Variants in DPYD observed in about 807,000 individuals in gnomAD.
DPYD encodes the protein dihydropyrimidine dehydrogenase, also known as dihydropyrimidine dehydrogenase [NADP(+)].
Under a neutral mutation model 116.2 loss-of-function variants are expected in DPYD, and 109 were observed. The observed-to-expected ratio is 0.94, with a 90% confidence interval of 0.80 to 1.10. DPYD has a LOEUF of 1.10. Ranked by LOEUF, DPYD falls within the 50% of genes least tolerant of loss-of-function variation. The probability of loss-of-function intolerance (pLI) is 0.00; values close to 1 mark genes in which losing one functional copy is unlikely to be tolerated. For synonymous variants in DPYD, 440 were observed against 432.0 expected, an observed-to-expected ratio of 1.02 and a Z score of -0.23; for missense variants, 1,302 against 1,254.5, an observed-to-expected ratio of 1.04 and a Z score of -0.57.
At chr1:97,500,952 A>G (rs1679541066) in intron 13 of DPYD, among the ~76,000 whole-genome samples, 1 of 152,018 alleles carries the variant, frequency 6.6e-6, no homozygotes, top group South Asian at 2.1e-4. Context: ...CTAATTAACC[A>G]TCAGCTTAAT....
chr1:97,554,196 C>T (rs192605546), intron 11 of DPYD, among the ~76,000 whole-genome samples: 72 of 152,110 alleles, frequency 4.7e-4, no homozygotes, highest in Admixed American at 1.4e-3. Flanking sequence ...ATGCAGATTG[C>T]CAAGGTCAAT....
intron 13 of DPYD, among the ~76,000 whole-genome samples, chr1:97,454,612 A>G (rs76262284): frequency 0.019 from 2,893 of 152,048 alleles, 39 homozygotes; most frequent in Middle Eastern, 0.034. Context: ...ATGTAATATT[A>G]TAACTACCAT....
chr1:97,172,361 G>C (rs1483471207), intron 20 of DPYD, among the ~76,000 whole-genome samples: 1 of 152,140 alleles, frequency 6.6e-6, no homozygotes, highest in African/African-American at 2.4e-5. Context: ...ATGCTAAGAG[G>C]AGGGAAAGAC....
At chr1:97,474,013 C>CT (rs1159652978) in intron 13 of DPYD, among the ~76,000 whole-genome samples, 3 of 77,200 alleles carry the variant, frequency 3.9e-5, no homozygotes, top group South Asian at 4.9e-4. Flanking sequence ...GAGAAACTGT[C>CT]TTTAAAAAAA....
chr1:97,081,792 T>C (rs955407439), intron 22 of DPYD, among the ~76,000 whole-genome samples: 1 of 151,390 alleles, frequency 6.6e-6, no homozygotes, highest in African/African-American at 2.4e-5. Context: ...TATGGCTCAC[T>C]TCATGAGGGA....
intron 3 of DPYD, among the ~76,000 whole-genome samples, chr1:97,744,235 G>A (rs971221106): frequency 2.0e-5 from 3 of 151,960 alleles, no homozygotes; most frequent in East Asian, 1.9e-4. Flanking sequence ...AAATATCCGT[G>A]AGGCTAGACA....
chr1:97,274,957 C>CT (rs1267168438), intron 18 of DPYD, among the ~76,000 whole-genome samples: 1 of 152,114 alleles, frequency 6.6e-6, no homozygotes, highest in African/African-American at 2.4e-5. Context: ...GGGGTAAGGG[C>CT]TTCTAAAGTA....
intron 1 of DPYD, among the ~76,000 whole-genome samples, chr1:97,909,893 T>C (rs933002096): frequency 6.6e-6 from 1 of 152,116 alleles, no homozygotes; most frequent in Non-Finnish European, 1.5e-5. Flanking sequence ...TGCTATCTAA[T>C]AGTGATTTCA....
intron 16 of DPYD, among the ~76,000 whole-genome samples, chr1:97,339,094 C>T (rs536559865): frequency 6.6e-6 from 1 of 151,812 alleles, no homozygotes; most frequent in South Asian, 2.1e-4. Context: ...GTAGCTACTG[C>T]TGAGACCTGA....
At chr1:97,538,544 G>GA (rs1344689358) in intron 12 of DPYD, among the ~76,000 whole-genome samples, 1 of 152,028 alleles carries the variant, frequency 6.6e-6, no homozygotes, top group Admixed American at 6.6e-5. Context: ...AATACACACA[G>GA]AAAAAATCTA....
At chr1:97,429,774 A>G (rs565825065) in intron 14 of DPYD, among the ~76,000 whole-genome samples, 1 of 152,242 alleles carries the variant, frequency 6.6e-6, no homozygotes, top group African/African-American at 2.4e-5. Context: ...TGACTAATCA[A>G]TATTGGCAAC....
chr1:97,643,773 G>C (rs889960313), intron 8 of DPYD, among the ~76,000 whole-genome samples: 2 of 152,166 alleles, frequency 1.3e-5, no homozygotes, highest in Non-Finnish European at 2.9e-5. Flanking sequence ...ATGAGTTCAT[G>C]TCCTTTGCAG....
At chr1:97,784,720 T>C (rs1168945049) in intron 3 of DPYD, among the ~76,000 whole-genome samples, 13 of 152,292 alleles carry the variant, frequency 8.5e-5, no homozygotes, top group Admixed American at 6.5e-5. Flanking sequence ...GTGAAAAACA[T>C]GTGAGGGATG....
At chr1:97,579,798 TA>T (rs1478243326) in intron 10 of DPYD, among the ~76,000 whole-genome samples, 1 of 152,178 alleles carries the variant, frequency 6.6e-6, no homozygotes, top group Admixed American at 6.5e-5. Flanking sequence ...ACCAATAAAG[TA>T]GTAAGCAGCT....
At chr1:97,661,669 C>A (rs955807310) in intron 8 of DPYD, among the ~76,000 whole-genome samples, 3 of 152,006 alleles carry the variant, frequency 2.0e-5, no homozygotes, top group African/African-American at 7.2e-5. Context: ...ATTTCTCTTG[C>A]AGAATAACTT....
chr1:97,209,182 T>C (rs1659876291), intron 19 of DPYD, among the ~76,000 whole-genome samples: 1 of 152,142 alleles, frequency 6.6e-6, no homozygotes, highest in Admixed American at 6.6e-5. Context: ...CATAAATCAA[T>C]ATACTACAGG....
chr1:97,086,308 C>T (rs976966004), intron 21 of DPYD, among the ~76,000 whole-genome samples: 1 of 151,652 alleles, frequency 6.6e-6, no homozygotes. Context: ...CCTTGGCCTC[C>T]CAAAGTGCTG....
intron 20 of DPYD, among the ~76,000 whole-genome samples, chr1:97,163,671 A>G (rs1656093735): frequency 6.6e-6 from 1 of 152,086 alleles, no homozygotes; most frequent in South Asian, 2.1e-4. Context: ...CACTTTGTGG[A>G]AGGGTCAGAA....
intron 13 of DPYD, among the ~76,000 whole-genome samples, chr1:97,456,037 A>G (rs981388416): frequency 2.0e-5 from 3 of 151,954 alleles, no homozygotes; most frequent in African/African-American, 7.2e-5. Flanking sequence ...CATTGTAGAA[A>G]TAATAATATT....
Sources: gnomAD v4.1 joint callset for allele counts (sites outside exome capture counted in the v4.1 genomes callset) on GRCh38, gnomAD v4.1.1 for gene constraint, MANE v1.5 for transcripts, NCBI Gene and HGNC (gene_info 2026-07-23, HGNC 2026-07-21) for gene names.